Variants in NACC2 observed in about 807,000 individuals in gnomAD.
The protein encoded by NACC2 is NACC family member 2.
In NACC2, 8 loss-of-function variants were observed where a neutral mutation model predicts 25.1. The observed-to-expected ratio is 0.32, with a 90% confidence interval of 0.19 to 0.57. The LOEUF is 0.57. Among genes scored for constraint, NACC2 ranks in the 20% least tolerant of loss-of-function variants. The pLI is 0.89. For missense variants in NACC2, 644 were observed against 650.2 expected (o/e 0.99, Z 0.10); for synonymous variants, 435 against 294.7 (o/e 1.48, Z -4.88).
chr9:136,073,908 C>T (rs1830227442), intron 1 of NACC2, among the ~76,000 whole-genome samples: 1 of 152,184 alleles, frequency 6.6e-6, no homozygotes, highest in Admixed American at 6.5e-5. Context: ...CAGCAGTAAG[C>T]GGTGATCCTT....
intron 1 of NACC2, among the ~76,000 whole-genome samples, chr9:136,085,898 G>A (rs1830374413): frequency 6.6e-6 from 1 of 152,114 alleles, no homozygotes; most frequent in Non-Finnish European, 1.5e-5. Context: ...GAGGCCGGGC[G>A]CCGTGCAGGG....
At chr9:136,085,939 G>A (rs77129267) in intron 1 of NACC2, among the ~76,000 whole-genome samples, 4,026 of 151,874 alleles carry the variant, frequency 0.027, 166 homozygotes, top group African/African-American at 0.09. Context: ...GGCAGAGCCC[G>A]GAGGCTGGGC....
intron 1 of NACC2, among the ~76,000 whole-genome samples, chr9:136,085,373 G>A (rs1019776197): frequency 6.6e-6 from 1 of 151,240 alleles, no homozygotes; most frequent in African/African-American, 2.4e-5. Context: ...TTTTAAATCA[G>A]CCATGTGTGG....
At chr9:136,044,140 G>A (rs1840684949) in intron 2 of NACC2, among the ~76,000 whole-genome samples, 1 of 152,032 alleles carries the variant, frequency 6.6e-6, no homozygotes, top group East Asian at 1.9e-4. Context: ...AAATACTTTA[G>A]CAAGCAAAAA....
chr9:136,052,435 G>T (rs1348966362), intron 1 of NACC2, among the ~76,000 whole-genome samples: 1 of 149,712 alleles, frequency 6.7e-6, no homozygotes, highest in Non-Finnish European at 1.5e-5. Context: ...GGGCAGAGGC[G>T]CCAGGGGGAG....
At chr9:136,044,567 C>A (rs952590270) in intron 2 of NACC2, among the ~76,000 whole-genome samples, 2 of 152,142 alleles carry the variant, frequency 1.3e-5, no homozygotes, top group Non-Finnish European at 2.9e-5. Context: ...ACCCTCTGCT[C>A]CCTGGGTGGT....
At chr9:136,094,453 C>G (rs1173627669) in intron 1 of NACC2, among the ~76,000 whole-genome samples, 2 of 152,234 alleles carry the variant, frequency 1.3e-5, no homozygotes, top group Non-Finnish European at 2.9e-5. Flanking sequence ...GTCGGAAGGC[C>G]TCGGTCCGCC....
intron 2 of NACC2, among the ~76,000 whole-genome samples, chr9:136,032,572 GA>G (rs1840490022): frequency 1.3e-5 from 2 of 152,144 alleles, no homozygotes; most frequent in Admixed American, 1.3e-4. Flanking sequence ...AAGAAATAAA[GA>G]AATTGTGGTT....
At chr9:136,050,955 G>C (rs1228228986) in intron 1 of NACC2, among the ~76,000 whole-genome samples, 2 of 152,184 alleles carry the variant, frequency 1.3e-5, no homozygotes, top group Non-Finnish European at 2.9e-5. Context: ...GGGCAAACCT[G>C]CAGCCACTCT....
rs945709751 is a variant in NACC2 at position 136,036,112 on chromosome 9, C to T, written c.886+13524G>A. 4.6e-5 allele frequency among the ~76,000 whole-genome samples: 7 copies of T among 152,290 alleles called. No homozygotes were observed. The South Asian group carries it at 1.4e-3, about 32-fold the overall frequency. ...GTGTCTGACAAAGGATGCCAATTCA[C>T]AGTGTAGAACGTGCAAAGTGGCAAG... On this transcript the variant is annotated intron_variant, in intron 2 of 5. Transcript: ENST00000277554.
intron 1 of NACC2, among the ~76,000 whole-genome samples, chr9:136,076,936 G>GCGGAGAATGGCGTGAACC (rs1244886895): frequency 6.6e-6 from 1 of 151,982 alleles, no homozygotes; most frequent in Non-Finnish European, 1.5e-5. Flanking sequence ...AACCCAGGAG[G>GCGGAGAATGGCGTGAACC]CAGGGCCTGC....
intron 2 of NACC2, among the ~76,000 whole-genome samples, chr9:136,026,615 T>C (rs565707319): frequency 6.6e-6 from 1 of 152,044 alleles, no homozygotes; most frequent in African/African-American, 2.4e-5. Flanking sequence ...GGGGAAAAAA[T>C]GTGCAGATAA....
intron 1 of NACC2, among the ~76,000 whole-genome samples, chr9:136,082,359 CG>C (rs1830333051): frequency 6.6e-6 from 1 of 152,244 alleles, no homozygotes; most frequent in South Asian, 2.1e-4. Context: ...CGTGCTGAGC[CG>C]GCGGATGGGC....
chr9:136,090,641 A>G (rs1830424931), intron 1 of NACC2, among the ~76,000 whole-genome samples: 2 of 152,148 alleles, frequency 1.3e-5, no homozygotes, highest in Non-Finnish European at 2.9e-5. Flanking sequence ...CCAGATTCCA[A>G]CATCAGCTCC....
chr9:136,017,021 G>C (rs772547055), intron 2 of NACC2, among the ~76,000 whole-genome samples: 10 of 152,136 alleles, frequency 6.6e-5, no homozygotes, highest in Non-Finnish European at 8.8e-5. Flanking sequence ...GCAAGGACAC[G>C]GGGGACTCAG....
intron 1 of NACC2, among the ~76,000 whole-genome samples, chr9:136,059,466 G>T (rs1488903810): frequency 6.6e-6 from 1 of 152,226 alleles, no homozygotes; most frequent in African/African-American, 2.4e-5. Context: ...AGCCCAAGGG[G>T]AGTGACCTGA....
rs537835878 is a variant in NACC2 at position 136,070,493 on chromosome 9, C to A, written c.-59-19913G>T. Among the ~76,000 whole-genome samples, 59 of 151,648 alleles carry A rather than the reference C, an allele frequency of 3.9e-4. 1 individual carries two copies. In the South Asian group the frequency reaches 0.012, roughly 30 times the overall value. On this transcript the variant is annotated intron_variant, in intron 1 of 5. Transcript: ENST00000277554. ...CTGCACTCCAGCCTGGGCGACAGAG[C>A]GAGACTCGTCTCAAAAAAGAAAATC...
chr9:136,081,714 C>G (rs2131186186), intron 1 of NACC2, among the ~76,000 whole-genome samples: 1 of 152,332 alleles, frequency 6.6e-6, no homozygotes, highest in Non-Finnish European at 1.5e-5. Flanking sequence ...CACACAGCCC[C>G]TCCTGGCTCG....
intron 1 of NACC2, among the ~76,000 whole-genome samples, chr9:136,070,352 A>C (rs889434040): frequency 6.6e-6 from 1 of 150,866 alleles, no homozygotes; most frequent in Non-Finnish European, 1.5e-5. Context: ...CTAAAAATGC[A>C]AAAAAATTAG....
Sources: gnomAD v4.1 joint callset for allele counts (sites outside exome capture counted in the v4.1 genomes callset) on GRCh38, gnomAD v4.1.1 for gene constraint, MANE v1.5 for transcripts, NCBI Gene and HGNC (gene_info 2026-07-23, HGNC 2026-07-21) for gene names.